Variants in JAK3 observed in about 807,000 individuals in gnomAD.
JAK3 encodes the protein Janus kinase 3.
JAK3 carries 88 observed loss-of-function variants against 120.8 expected under a neutral mutation model. That is an observed-to-expected ratio of 0.73 (90% confidence interval 0.61 to 0.87). The LOEUF is 0.87. JAK3 is among the 40% of genes least tolerant of loss of function. The pLI is 0.00. For missense variants in JAK3, 1,254 were observed against 1,501.4 expected, an observed-to-expected ratio of 0.84 and a Z score of 2.72; for synonymous variants, 592 against 628.6, an observed-to-expected ratio of 0.94 and a Z score of 0.87.
rs202156354 is a variant in JAK3 at position 17,826,735 on chromosome 19, G to A, written c.*8C>T. 6.8e-6 allele frequency: 11 copies of A among 1,613,884 alleles called. No homozygotes were observed. Among genetic ancestry groups the A allele is most frequent in the African/African-American group, 6.7e-5 (5 of 74,932 alleles). ...CAGAGACCTAATCCAGAGGTCTGCG[G>A]GCAGGAGCTATGAAAAGGACAGGGA... On this transcript the variant is annotated 3_prime_UTR_variant, in exon 24 of 24. Coordinates refer to ENST00000458235, the MANE Select transcript of JAK3 (RefSeq NM_000215.4).
At position 17,842,752 on chromosome 19, in the gene JAK3, G is replaced by T; in HGVS notation, c.567-142C>A. The stretch of plus-strand genomic sequence containing the variant: ...AGGCACACACAGACTCTCATTCAGG[G>T]TCAGGTATGAGGACCGGACCTCAGA... On this transcript the variant is annotated intron_variant, in intron 5 of 23. Coordinates refer to ENST00000458235, the MANE Select transcript of JAK3 (RefSeq NM_000215.4). This position sits in a 1 kb window ranked among gnomAD's most constrained non-coding sequence, Gnocchi z 6.4. 1 of 976,374 alleles carries T rather than the reference G, an allele frequency of 1.0e-6. No individual in the cohort carries two copies. Among genetic ancestry groups the T allele is most frequent in the Non-Finnish European group, 1.5e-6 (1 of 674,054 alleles). 60.5% of individuals were successfully genotyped at this position (976,374 alleles called of 1,614,324 possible).
chr19:17,833,644 A>T (rs1044859465), intron 17 of JAK3, among the ~76,000 whole-genome samples: 5 of 151,572 alleles, frequency 3.3e-5, no homozygotes, highest in African/African-American at 1.2e-4. Flanking sequence ...TGAGACCAGG[A>T]GTTCAAGACT....
Position 17,842,302 on chromosome 19 carries a change from G to A in JAK3, c.861+14C>T, listed in dbSNP as rs1259893038. ...CCCACGTTGGCCCCGCCCAGCGGGG[G>A]AGTCCGCCCTCACCTCCTGTTCTCC... is the stretch of plus-strand genomic sequence containing the variant. On this transcript the variant is annotated intron_variant, in intron 6 of 23. Transcript: ENST00000458235. The surrounding 1 kb of genome is among the most constrained non-coding windows in gnomAD (Gnocchi z 6.4). 4.5e-6 allele frequency: 7 copies of A among 1,556,352 alleles called. No homozygotes were observed. The highest frequency in any genetic ancestry group is 6.0e-6 in the Non-Finnish European group (7 of 1,157,442).
chr19:17,832,712 G>C lies in JAK3; in HGVS notation c.2491-4C>G. The C allele has an allele frequency of 2.5e-6, 4 of 1,614,216 alleles. No homozygotes were observed. The highest frequency in any genetic ancestry group is 3.4e-6 in the Non-Finnish European group (4 of 1,180,038). The stretch of plus-strand genomic sequence containing the variant: ...GCTCCACGCTGCCAAAGTTGCCCTG[G>C]GGGATAGCGGGACTGATGTCCAGGC... On this transcript the variant is annotated splice_polypyrimidine_tract_variant and splice_region_variant and intron_variant, in intron 18 of 23. Coordinates refer to ENST00000458235, the MANE Select transcript of JAK3 (RefSeq NM_000215.4). The surrounding 1 kb of genome is among the most constrained non-coding windows in gnomAD (Gnocchi z 4.7).
intron 15 of JAK3, 30 bp downstream of exon 15, chr19:17,835,053 C>G: frequency 6.2e-7 from 1 of 1,614,164 alleles, no homozygotes; most frequent in Non-Finnish European, 8.5e-7. Flanking sequence ...CCCTGCTCAG[C>G]CCCTCCCTCC....
chr19:17,837,924 G>A lies in JAK3; in HGVS notation c.1701+8C>T, dbSNP rs2147687353. On this transcript the variant is annotated splice_region_variant and intron_variant, in intron 12 of 23. Coordinates refer to ENST00000458235, the MANE Select transcript of JAK3 (RefSeq NM_000215.4). ...CGACTCCAAAAGTCTGGTCCACATT[G>A]CTCTCACCTCCATGCAGTTCTTGTG... 1 of 1,613,828 alleles carries A rather than the reference G, an allele frequency of 6.2e-7. No homozygotes were observed. Among genetic ancestry groups the A allele is most frequent in the Non-Finnish European group, 8.5e-7 (1 of 1,179,886 alleles).
intron 10 of JAK3, 156 bp downstream of exon 10, chr19:17,839,321 A>G (rs1160386406): frequency 6.7e-6 from 5 of 743,344 alleles, no homozygotes; most frequent in Middle Eastern, 2.2e-4. Flanking sequence ...TAAAGGTTAT[A>G]TATCTCTAAC....
chr19:17,847,366 T>A (rs910338143), intron 1 of JAK3, among the ~76,000 whole-genome samples: 7 of 152,114 alleles, frequency 4.6e-5, no homozygotes, highest in Admixed American at 1.3e-4. Flanking sequence ...AACAGAATAT[T>A]ATTATTCTGT....
chr19:17,827,225 T>G (rs1268952054), intron 23 of JAK3, among the ~76,000 whole-genome samples: 5 of 151,948 alleles, frequency 3.3e-5, no homozygotes, highest in African/African-American at 9.7e-5. Flanking sequence ...GTGATCCACC[T>G]GTCTTGGCCT....
Position 17,841,479 on chromosome 19 carries a change from A to T in JAK3, c.1052T>A (p.Leu351Gln). 6.4e-7 allele frequency: 1 copy of T among 1,563,868 alleles called. No individual in the cohort carries two copies. The highest frequency in any genetic ancestry group is 8.7e-7 in the Non-Finnish European group (1 of 1,153,970). Reference sequence around the variant, plus strand: ...GAAGAAGTGCTGGGAGTCCGTGGTCAGCCGGAAGTAGCCGTCCACGAGCGC... The same window carrying T: ...GAAGAAGTGCTGGGAGTCCGTGGTCTGCCGGAAGTAGCCGTCCACGAGCGC... ...FVALVDGYFR[L>Q]TTDSQHFFCK... is the part of the protein sequence containing the mutation. The change falls in exon 8 of 24, where the codon CTG (leucine) becomes CAG (glutamine). Residue 351 changes from leucine to glutamine, a missense_variant. By Grantham distance (113) the Leu-to-Gln change is moderately radical. This residue lies in a region of JAK3 where 486 missense variants were observed against 503.0 expected (regional missense o/e 0.97). Coordinates refer to ENST00000458235, the MANE Select transcript of JAK3 (RefSeq NM_000215.4). This position sits in a 1 kb window ranked among gnomAD's most constrained non-coding sequence, Gnocchi z 4.1.
rs545062692 is a variant in JAK3, at chr19:17,825,286, A to G, written c.*1457T>C. 2 of 229,224 alleles carry G rather than the reference A, an allele frequency of 8.7e-6. No individual in the cohort carries two copies. Among genetic ancestry groups the G allele is most frequent in the Admixed American group, 5.7e-5 (1 of 17,652 alleles). The allele number at this position is 229,224 out of a possible 1,614,324, so 14.2% of individuals were successfully genotyped here. On this transcript the variant is annotated 3_prime_UTR_variant, in exon 24 of 24. Transcript: ENST00000458235. ...TACTCTGAGCCTTCTCACGCTTGGC[A>G]TGCTGTTCCCTCTGCCAGGAATGCC...
chr19:17,826,578 G>A lies in JAK3; in HGVS notation c.*165C>T. 1.3e-6 allele frequency: 1 copy of A among 756,142 alleles called. No individual in the cohort carries two copies. The highest frequency in any genetic ancestry group is 2.3e-6 in the Non-Finnish European group (1 of 425,750). 46.8% of individuals were successfully genotyped at this position (756,142 alleles called of 1,614,324 possible). ...ACCTTAACAAATTGCAAAGGCCACA[G>A]GCTATTCTACAGGCCACGGGAGCCC... On this transcript the variant is annotated 3_prime_UTR_variant, in exon 24 of 24. Transcript: ENST00000458235.
At chr19:17,837,280 G>T in intron 12 of JAK3, 67 bp from the exon 13 acceptor site, 2 of 1,319,340 alleles carry the variant, frequency 1.5e-6, no homozygotes, top group Non-Finnish European at 2.1e-6. Context: ...CAAATTTTGT[G>T]CTCACAGACC....
In JAK3 at chr19:17,843,582, G is replaced by T; in HGVS notation, c.309-91C>A. 8.4e-7 allele frequency: 1 copy of T among 1,189,270 alleles called. No homozygotes were observed. Among genetic ancestry groups the T allele is most frequent in the Non-Finnish European group, 1.2e-6 (1 of 806,180 alleles). The allele number at this position is 1,189,270 out of a possible 1,614,324, so 73.7% of individuals were successfully genotyped here. ...GTGGGGGCGAGGGACAGATTCTGCG[G>T]AGGCCTCACAGAGCCCAGCTTGTAC... On this transcript the variant is annotated intron_variant, in intron 3 of 23. Coordinates refer to ENST00000458235, the MANE Select transcript of JAK3 (RefSeq NM_000215.4). This position sits in a 1 kb window ranked among gnomAD's most constrained non-coding sequence, Gnocchi z 5.4.
chr19:17,830,582 C>G lies in JAK3; in HGVS notation c.3017G>C (p.Arg1006Pro), dbSNP rs924389288. The G allele has an allele frequency of 1.2e-6, 2 of 1,613,316 alleles. No homozygotes were observed. Among genetic ancestry groups the G allele is most frequent in the Non-Finnish European group, 1.7e-6 (2 of 1,179,832 alleles). The change falls in exon 22 of 24, where the codon CGC (arginine) becomes CCC (proline). Residue 1006 changes from arginine to proline, a missense_variant. Transcript: ENST00000458235. Reference protein sequence around the residue: ...PESLSDNIFSRQSDVWSFGVV... With the variant: ...PESLSDNIFSPQSDVWSFGVV... ...CCCGAAGCTCCAGACGTCTGACTGG[C>G]GAGAGAAGATGTTGTCCGAGAGGGA...
chr19:17,842,257 G>GGC lies in JAK3; in HGVS notation c.861+58_861+59insGC. 2.1e-6 allele frequency: 3 copies of GGC among 1,424,396 alleles called. No homozygotes were observed. Among genetic ancestry groups the GGC allele is most frequent in the East Asian group, 2.5e-5 (1 of 40,536 alleles). The allele number at this position is 1,424,396 out of a possible 1,614,324, so 88.2% of individuals were successfully genotyped here. ...GCCCCACATCCCCTACCACTCTCCG[G>GGC]CCCCTCCCCGAGCCCCGCCCCCACG... On this transcript the variant is annotated intron_variant, in intron 6 of 23. Coordinates refer to ENST00000458235, the MANE Select transcript of JAK3 (RefSeq NM_000215.4). This position sits in a 1 kb window ranked among gnomAD's most constrained non-coding sequence, Gnocchi z 6.4.
chr19:17,841,902 A>T lies in JAK3; in HGVS notation c.862-140T>A, dbSNP rs2147696019. 1 of 1,141,642 alleles carries T rather than the reference A, an allele frequency of 8.8e-7. No homozygotes were observed. Among genetic ancestry groups the T allele is most frequent in the East Asian group, 2.5e-5 (1 of 39,604 alleles). 70.7% of individuals were successfully genotyped at this position (1,141,642 alleles called of 1,614,324 possible). ...TTCCAAGCCGCGCCCCCTCCTATCA[A>T]CTCCAACCTCTCAACACCTCCCCTA... On this transcript the variant is annotated intron_variant, in intron 6 of 23. Coordinates refer to ENST00000458235, the MANE Select transcript of JAK3 (RefSeq NM_000215.4). This position sits in a 1 kb window ranked among gnomAD's most constrained non-coding sequence, Gnocchi z 4.1.
At chr19:17,837,256 C>A in intron 12 of JAK3, 43 bp from the exon 13 acceptor site, 1 of 1,484,834 alleles carries the variant, frequency 6.7e-7, no homozygotes, top group Non-Finnish European at 9.2e-7. Flanking sequence ...GGGTTTCTTC[C>A]ACTCCAATAA....
chr19:17,843,251 C>T lies in JAK3; in HGVS notation c.421-79G>A. ...TTGTTAACCTGCAGACCCCCCCAAT[C>T]CTGGGCTGACCCCCACCCCTGGACT... On this transcript the variant is annotated intron_variant, in intron 4 of 23. Transcript: ENST00000458235. The surrounding 1 kb of genome is among the most constrained non-coding windows in gnomAD (Gnocchi z 5.4). The T allele has an allele frequency of 6.5e-7, 1 of 1,548,628 alleles. No individual in the cohort carries two copies.
Sources: allele counts gnomAD v4.1 joint callset (sites outside exome capture counted in the v4.1 genomes callset), GRCh38; gene constraint gnomAD v4.1.1; regional missense constraint gnomAD v4.1.1; non-coding constraint Gnocchi (gnomAD v3.1); transcripts MANE v1.5; gene names NCBI Gene and HGNC (gene_info 2026-07-23, HGNC 2026-07-21).